The following TNFRSF14 variants were observed in gnomAD, a reference collection of about 807,000 sequenced individuals.
TNFRSF14 encodes tumor necrosis factor receptor superfamily member 14.
In TNFRSF14, 18 loss-of-function variants were observed where a neutral mutation model predicts 34.1. The ratio of observed to expected loss-of-function variants is 0.53; its 90% CI spans 0.36 to 0.78. TNFRSF14 has a LOEUF of 0.78. Ranked by LOEUF, TNFRSF14 falls within the 30% of genes least tolerant of loss-of-function variation. The pLI is 0.00. For synonymous variants in TNFRSF14, 157 were observed against 153.2 expected, an observed-to-expected ratio of 1.02 and a Z score of -0.18; for missense variants, 352 against 379.5, an observed-to-expected ratio of 0.93 and a Z score of 0.60.
chr1:2,560,740 C>T (rs571314392), intron 5 of TNFRSF14, 26 bp downstream of exon 5: 2 of 1,603,582 alleles, frequency 1.2e-6, no homozygotes, highest in Admixed American at 1.7e-5. Context: ...GGAGGCCCAG[C>T]TCTGTGCCCT....
intron 5 of TNFRSF14, 69 bp downstream of exon 5, chr1:2,560,783 A>C: frequency 7.0e-7 from 1 of 1,429,324 alleles, no homozygotes; most frequent in Non-Finnish European, 9.8e-7. Flanking sequence ...TCCCTGGGAG[A>C]TGACCGTCTT....
Position 2,562,868 on chromosome 1 carries a change from A to T in TNFRSF14, c.698A>T (p.Asp233Val), listed in dbSNP as rs1229343392. 1 of 1,613,842 alleles carries T rather than the reference A, an allele frequency of 6.2e-7. No individual in the cohort carries two copies. The highest frequency in any genetic ancestry group is 2.2e-5 in the East Asian group (1 of 44,882). Residue 233 changes from aspartate (D) to valine (V), a missense_variant, in exon 7 of 8, where the codon GAT becomes GTT. By Grantham distance (152) the Asp-to-Val change is radical (BLOSUM62 -3). Transcript: ENST00000355716. Reference protein sequence around the residue: ...ICVKRRKPRGDVVKVIVSVQR... With the variant: ...ICVKRRKPRGVVVKVIVSVQR... ...CCTGTGTGTCTGTGTATTGCAGGTG[A>T]TGTAGTCAAGGTGATCGTCTCCGTC...
At chr1:2,562,649 C>T in intron 6 of TNFRSF14, 1 of 663,996 alleles carries the variant, frequency 1.5e-6, no homozygotes, top group Non-Finnish European at 2.7e-6. Flanking sequence ...CGCCCCCAGT[C>T]CTATCACCCA....
At position 2,559,169 on chromosome 1, in the gene TNFRSF14, A is replaced by G. The variant is rs565961218; in HGVS notation, c.305-654A>G. ...GAGGCACAGGGCAGGTGGGCTAGCC[A>G]TGAACAGAAGAGGAAGCTGGAGTGC... On this transcript the variant is annotated intron_variant, in intron 3 of 7. Coordinates refer to ENST00000355716, the MANE Select transcript of TNFRSF14 (RefSeq NM_003820.4). 8.3e-5 allele frequency: 113 copies of G among 1,367,034 alleles called. No individual in the cohort carries two copies. In the Admixed American group the frequency reaches 1.1e-3, roughly 14 times the overall value. 84.7% of individuals were successfully genotyped at this position (1,367,034 alleles called of 1,614,324 possible).
At chr1:2,556,845 C>T in intron 1 of TNFRSF14, 112 bp downstream of exon 1, 1 of 1,121,158 alleles carries the variant, frequency 8.9e-7, no homozygotes, top group Non-Finnish European at 1.3e-6. Context: ...GCTCCGGCGT[C>T]CAGCCCGTCC....
At chr1:2,563,101 C>T (rs376575347) in intron 7 of TNFRSF14, 47 bp from the exon 8 acceptor site, 42 of 1,608,072 alleles carry the variant, frequency 2.6e-5, no homozygotes, top group Non-Finnish European at 3.5e-5. Flanking sequence ...CCTGGAGTCC[C>T]AGGGGGGCCT....
At chr1:2,554,482 G>C (rs1438238099), upstream of TNFRSF14, among the ~76,000 whole-genome samples, 3 of 152,260 alleles carry the variant, frequency 2.0e-5, no homozygotes, top group African/African-American at 7.2e-5. This position sits in a 1 kb window ranked among gnomAD's most constrained non-coding sequence, Gnocchi z 4.2. Flanking sequence ...GGGCGGATAC[G>C]GGGAGCAGGG....
In TNFRSF14 at chr1:2,563,353, C is replaced by G; in HGVS notation, c.*80C>G. On this transcript the variant is annotated 3_prime_UTR_variant, in exon 8 of 8. Coordinates refer to ENST00000355716, the MANE Select transcript of TNFRSF14 (RefSeq NM_003820.4). ...GAGGCTGTCCACCTGGCGGAACCACCGGAGCCCGGAGGCTTGGGGGCTCCG... is the reference window on the plus strand; with the variant it reads ...GAGGCTGTCCACCTGGCGGAACCACGGGAGCCCGGAGGCTTGGGGGCTCCG... 6.3e-7 allele frequency: 1 copy of G among 1,577,496 alleles called. No homozygotes were observed. Among genetic ancestry groups the G allele is most frequent in the Non-Finnish European group, 8.6e-7 (1 of 1,159,642 alleles).
upstream of TNFRSF14, chr1:2,556,253 G>A (rs1400914199): frequency 2.0e-6 from 1 of 509,284 alleles, no homozygotes; most frequent in Admixed American, 2.6e-5. Flanking sequence ...CCCTGAGTGT[G>A]TGAGTGAGGT....
chr1:2,560,451 C>T (rs1367104131), intron 4 of TNFRSF14, 173 bp from the exon 5 acceptor site: 4 of 588,718 alleles, frequency 6.8e-6, no homozygotes, highest in East Asian at 5.6e-5. Context: ...CCAGAGCCAC[C>T]ACCCCAGGCC....
At position 2,558,771 on chromosome 1, in the gene TNFRSF14, C is replaced by T. The variant is rs180732608; in HGVS notation, c.304+303C>T. 270 of 1,294,728 alleles carry T rather than the reference C, an allele frequency of 2.1e-4. 2 individuals carry two copies. The East Asian group carries it at 5.8e-3, about 28-fold the overall frequency. The allele number at this position is 1,294,728 out of a possible 1,614,324, so 80.2% of individuals were successfully genotyped here. A position where few individuals can be genotyped will look rare whatever the true frequency, so the allele number is the denominator to read the frequency against. On this transcript the variant is annotated intron_variant, in intron 3 of 7. Transcript: ENST00000355716. ...CCCGGGGTGGGTGCCCAGACCTCTC[C>T]TGTGCCCACGTCCCTAGCTGCAAAG... is the stretch of plus-strand genomic sequence containing the variant.
At position 2,560,640 on chromosome 1, in the gene TNFRSF14, C is replaced by A. The variant is rs770606267; in HGVS notation, c.477C>A (p.Asp159Glu). The A allele has an allele frequency of 6.2e-7, 1 of 1,613,478 alleles. No individual in the cohort carries two copies. The highest frequency in any genetic ancestry group is 8.5e-7 in the Non-Finnish European group (1 of 1,179,898). The change falls in exon 5 of 8, where the codon GAC becomes GAA. Residue 159 changes from aspartate to glutamate, a missense_variant. Physicochemically the swap from Asp to Glu is conservative, Grantham distance 45. Coordinates refer to ENST00000355716, the MANE Select transcript of TNFRSF14 (RefSeq NM_003820.4). ...TCTTCTCAGGCACCGAGAGTCAGGA[C>A]ACCCTGTGTCAGAACTGCCCCCCGG... ...RVQKGGTESQ[D>E]TLCQNCPPGT...
At chr1:2,554,615 G>A (rs1308696324), upstream of TNFRSF14, 1 of 152,304 alleles carries the variant, frequency 6.6e-6, no homozygotes, top group African/African-American at 2.4e-5. This position sits in a 1 kb window ranked among gnomAD's most constrained non-coding sequence, Gnocchi z 4.2. Flanking sequence ...CCCCCTTGAG[G>A]CCTGGCACCT....
At chr1:2,557,922 G>C (rs1644243070) in intron 2 of TNFRSF14, 88 bp downstream of exon 2, 1 of 1,105,150 alleles carries the variant, frequency 9.0e-7, no homozygotes, top group Non-Finnish European at 1.3e-6. Context: ...TGTGTTCTCT[G>C]CCCCCACAGC....
chr1:2,556,390 G>A lies in TNFRSF14; in HGVS notation c.-275G>A, dbSNP rs1644212374. 4.4e-6 allele frequency: 3 copies of A among 674,728 alleles called. No individual in the cohort carries two copies. Among genetic ancestry groups the A allele is most frequent in the South Asian group, 1.5e-5 (1 of 66,476 alleles). The allele number at this position is 674,728 out of a possible 1,614,324, so 41.8% of individuals were successfully genotyped here. ...TCCTTCATACCGGCCCTTCCCCTCG[G>A]CTTTGCCTGGACAGCTCCTGCCTCC... On this transcript the variant is annotated 5_prime_UTR_variant, in exon 1 of 8. Transcript: ENST00000355716.
intron 4 of TNFRSF14, 105 bp downstream of exon 4, chr1:2,560,083 CT>C: frequency 7.0e-7 from 1 of 1,424,960 alleles, no homozygotes; most frequent in Non-Finnish European, 9.2e-7. Flanking sequence ...CCCAGGGGCC[CT>C]GGTGAGACAG....
Position 2,561,889 on chromosome 1 carries a change from G to A in TNFRSF14, c.694+74G>A, listed in dbSNP as rs1644315486. 4.0e-6 allele frequency: 6 copies of A among 1,499,712 alleles called. No homozygotes were observed. Among genetic ancestry groups the A allele is most frequent in the African/African-American group, 1.4e-5 (1 of 72,116 alleles). 92.9% of individuals were successfully genotyped at this position (1,499,712 alleles called of 1,614,324 possible). A position where few individuals can be genotyped will look rare whatever the true frequency, so the allele number is the denominator to read the frequency against. ...CTTGGAGCTCTGTCACCCCAAGCCTGGGAGGTGGCCCCAGAGCTTTTCCAG... is the reference window on the plus strand; with the variant it reads ...CTTGGAGCTCTGTCACCCCAAGCCTAGGAGGTGGCCCCAGAGCTTTTCCAG... On this transcript the variant is annotated intron_variant, in intron 6 of 7. Coordinates refer to ENST00000355716, the MANE Select transcript of TNFRSF14 (RefSeq NM_003820.4). The surrounding 1 kb of genome is among the most constrained non-coding windows in gnomAD (Gnocchi z 6.0).
At chr1:2,559,213 T>G in intron 3 of TNFRSF14, 1 of 1,369,622 alleles carries the variant, frequency 7.3e-7, no homozygotes, top group Non-Finnish European at 9.6e-7. Context: ...TTCATGCATG[T>G]AGGCTGGGAT....
rs1049394806 is a variant in TNFRSF14, at chr1:2,561,893, G to A, written c.694+78G>A. The A allele has an allele frequency of 6.8e-7, 1 of 1,479,560 alleles. No homozygotes were observed. The highest frequency in any genetic ancestry group is 9.2e-7 in the Non-Finnish European group (1 of 1,086,448). The allele number at this position is 1,479,560 out of a possible 1,614,324, so 91.7% of individuals were successfully genotyped here. A position where few individuals can be genotyped will look rare whatever the true frequency, so the allele number is the denominator to read the frequency against. On this transcript the variant is annotated intron_variant, in intron 6 of 7. Coordinates refer to ENST00000355716, the MANE Select transcript of TNFRSF14 (RefSeq NM_003820.4). This position sits in a 1 kb window ranked among gnomAD's most constrained non-coding sequence, Gnocchi z 6.0. ...GAGCTCTGTCACCCCAAGCCTGGGA[G>A]GTGGCCCCAGAGCTTTTCCAGGATC...
Sources: allele counts gnomAD v4.1 joint callset (sites outside exome capture counted in the v4.1 genomes callset), GRCh38; gene constraint gnomAD v4.1.1; non-coding constraint Gnocchi (gnomAD v3.1); transcripts MANE v1.5; gene names NCBI Gene and HGNC (gene_info 2026-07-23, HGNC 2026-07-21).